The following TSHZ2 variants were observed in gnomAD, a reference collection of about 807,000 sequenced individuals.
TSHZ2 encodes the protein teashirt homolog 2.
In TSHZ2, 21 loss-of-function variants were observed where a neutral mutation model predicts 74.4. The observed-to-expected ratio is 0.28, with a 90% CI of 0.20 to 0.41. The LOEUF (loss-of-function observed/expected upper bound fraction) is 0.41, where lower values mean the gene tolerates loss of function less well. TSHZ2 is among the 10% of genes least tolerant of loss of function. TSHZ2 has a pLI of 1.00. For synonymous variants in TSHZ2, 540 were observed against 515.3 expected, an observed-to-expected ratio of 1.05 and a Z score of -0.65; for missense variants, 1,244 against 1,293.5, an observed-to-expected ratio of 0.96 and a Z score of 0.59.
intron 2 of TSHZ2, among the ~76,000 whole-genome samples, chr20:53,386,421 T>C (rs1982048618): frequency 6.6e-6 from 1 of 152,142 alleles, no homozygotes. Flanking sequence ...GCATATCCCA[T>C]TTTTTGATTG....
intron 1 of TSHZ2, among the ~76,000 whole-genome samples, chr20:53,244,395 T>C (rs1667124771): frequency 6.6e-6 from 1 of 152,146 alleles, no homozygotes; most frequent in African/African-American, 2.4e-5. Flanking sequence ...TATTGTGTAG[T>C]TTCTTTGTTC....
intron 1 of TSHZ2, among the ~76,000 whole-genome samples, chr20:53,246,050 T>TTTTTTTTTTTTTTTTTTTTTTTTGTTTG (rs1568832069): frequency 6.0e-5 from 9 of 150,132 alleles, no homozygotes; most frequent in African/African-American, 2.2e-4. Flanking sequence ...CTTTTTTTTT[T>TTTTTTTTTTTTTTTTTTTTTTTTGTTTG]TTTGTTTGAG....
chr20:53,192,366 A>G (rs1988756845), intron 1 of TSHZ2, among the ~76,000 whole-genome samples: 1 of 151,966 alleles, frequency 6.6e-6, no homozygotes, highest in Non-Finnish European at 1.5e-5. Context: ...GACAAGGACA[A>G]CCTCCTTTGT....
intron 2 of TSHZ2, among the ~76,000 whole-genome samples, chr20:53,437,477 GAAAGAAAAGAAAAGA>G (rs113738835): frequency 1.3e-5 from 2 of 151,742 alleles, no homozygotes; most frequent in African/African-American, 2.4e-5. Flanking sequence ...CATCTAAAAG[GAAAGAAAAGAAAAGA>G]AAAGAAAAAA....
intron 1 of TSHZ2, among the ~76,000 whole-genome samples, chr20:53,160,284 T>G (rs963605124): frequency 6.6e-6 from 1 of 152,154 alleles, no homozygotes; most frequent in Non-Finnish European, 1.5e-5. Context: ...GGGGTGGTAG[T>G]TTTTTATGGG....
intron 2 of TSHZ2, among the ~76,000 whole-genome samples, chr20:53,437,751 G>A (rs1231832234): frequency 6.6e-6 from 1 of 152,188 alleles, no homozygotes; most frequent in Non-Finnish European, 1.5e-5. Flanking sequence ...CCTCGTGAAT[G>A]GCTCAGTGTC....
intron 2 of TSHZ2, among the ~76,000 whole-genome samples, chr20:53,277,660 A>T (rs1357976137): frequency 3.3e-5 from 5 of 152,240 alleles, no homozygotes; most frequent in Non-Finnish European, 7.3e-5. Context: ...ATCAGTTTAG[A>T]TGCACCAGTA....
chr20:53,422,169 CTAAA>C (rs1983499812), intron 2 of TSHZ2, among the ~76,000 whole-genome samples: 1 of 152,076 alleles, frequency 6.6e-6, no homozygotes, highest in Admixed American at 6.6e-5. Flanking sequence ...GAAATAATAA[CTAAA>C]TAACGAAAAA....
chr20:53,106,145 T>G (rs925398250), intron 1 of TSHZ2, among the ~76,000 whole-genome samples: 2 of 152,118 alleles, frequency 1.3e-5, no homozygotes, highest in African/African-American at 4.8e-5. Context: ...ATATTATTAT[T>G]AATTGCAGTC....
At chr20:53,029,215 C>T (rs1263350829) in intron 1 of TSHZ2, among the ~76,000 whole-genome samples, 3 of 152,148 alleles carry the variant, frequency 2.0e-5, no homozygotes, top group African/African-American at 7.2e-5. Flanking sequence ...ATAATTCCCT[C>T]GTTTTCCTCT....
At chr20:53,259,976 A>G (rs1418594423) in intron 2 of TSHZ2, among the ~76,000 whole-genome samples, 1 of 152,150 alleles carries the variant, frequency 6.6e-6, no homozygotes, top group Non-Finnish European at 1.5e-5. Context: ...TCCTTCCTCC[A>G]TTAAATAAAT....
At chr20:53,168,449 A>C (rs998208491) in intron 1 of TSHZ2, among the ~76,000 whole-genome samples, 1 of 152,244 alleles carries the variant, frequency 6.6e-6, no homozygotes. Context: ...CAAATATACC[A>C]ATCCTGAAGC....
chr20:53,254,409 C>T lies in TSHZ2; in HGVS notation c.951C>T (p.Val317=). The T allele has an allele frequency of 6.2e-7, 1 of 1,613,726 alleles. No homozygotes were observed. The highest frequency in any genetic ancestry group is 8.5e-7 in the Non-Finnish European group (1 of 1,179,662). The change falls in exon 2 of 3, where the codon GTC becomes GTT. Residue 317 remains valine, a synonymous_variant. Coordinates refer to ENST00000371497, the MANE Select transcript of TSHZ2 (RefSeq NM_173485.6). ...EPVPTISSKM[V]TPAKKRVFDV... ...TCCCAACCATTTCCTCGAAAATGGTCACCCCGGCTAAGAAACGCGTTTTTG... is the reference window on the plus strand; with the variant it reads ...TCCCAACCATTTCCTCGAAAATGGTTACCCCGGCTAAGAAACGCGTTTTTG...
intron 1 of TSHZ2, among the ~76,000 whole-genome samples, chr20:53,096,212 G>T (rs1011034626): frequency 1.3e-4 from 20 of 152,146 alleles, no homozygotes; most frequent in Non-Finnish European, 1.3e-4. Flanking sequence ...TGCAATCTCG[G>T]CTCACTGCAA....
intron 1 of TSHZ2, among the ~76,000 whole-genome samples, chr20:53,041,495 G>A (rs1292921551): frequency 6.6e-6 from 1 of 152,212 alleles, no homozygotes; most frequent in African/African-American, 2.4e-5. Flanking sequence ...CAGCCCTGGA[G>A]CCAGCCTAGG....
chr20:53,022,968 T>TG (rs139630547), intron 1 of TSHZ2, among the ~76,000 whole-genome samples: 8,591 of 152,264 alleles, frequency 0.056, 325 homozygotes, highest in Non-Finnish European at 0.085. Flanking sequence ...TTGTCTAAAC[T>TG]GGTTTTCCAG....
chr20:53,202,786 A>C (rs1989039704), intron 1 of TSHZ2, among the ~76,000 whole-genome samples: 1 of 152,192 alleles, frequency 6.6e-6, no homozygotes, highest in Admixed American at 6.5e-5. Context: ...GAAGCTAGCA[A>C]GACTTAACTG....
intron 2 of TSHZ2, among the ~76,000 whole-genome samples, chr20:53,405,383 C>A (rs1473680714): frequency 2.6e-5 from 4 of 152,108 alleles, no homozygotes; most frequent in Non-Finnish European, 5.9e-5. Context: ...GTGGGCAGAA[C>A]CACCGGGGAC....
At chr20:53,089,320 C>CTT (rs5841928) in intron 1 of TSHZ2, among the ~76,000 whole-genome samples, 1,063 of 99,932 alleles carry the variant, frequency 0.011, 29 homozygotes, top group African/African-American at 0.037. Flanking sequence ...ATGGGATTTT[C>CTT]TTTTTTTTTT....
Sources: gnomAD v4.1 joint callset for allele counts (sites outside exome capture counted in the v4.1 genomes callset) on GRCh38, gnomAD v4.1.1 for gene constraint, MANE v1.5 for transcripts, NCBI Gene and HGNC (gene_info 2026-07-23, HGNC 2026-07-21) for gene names.